Variants in APC observed in about 807,000 individuals in gnomAD.
APC encodes adenomatous polyposis coli protein.
APC carries 72 observed loss-of-function variants against 247.0 expected under a neutral mutation model. The ratio of observed to expected loss-of-function variants is 0.29; its 90% CI spans 0.24 to 0.35. The LOEUF is 0.35. Among genes scored for constraint, APC ranks in the 10% least tolerant of loss-of-function variants. The pLI is 1.00. For missense variants in APC, 3,400 were observed against 3,360.7 expected (o/e 1.01, Z -0.29); for synonymous variants, 1,254 against 1,162.5 (o/e 1.08, Z -1.60).
upstream of APC, among the ~76,000 whole-genome samples, chr5:112,735,341 A>G: frequency 6.6e-6 from 1 of 152,006 alleles, no homozygotes; most frequent in South Asian, 2.1e-4. Flanking sequence ...ACAGCTGGCT[A>G]ATTTTTTTGT....
chr5:112,829,270 C>A, intron 14 of APC: 1 of 332,702 alleles, frequency 3.0e-6, no homozygotes, highest in East Asian at 7.6e-5. Flanking sequence ...TCCTGAGTAG[C>A]TGGGATTACA....
At chr5:112,746,613 A>C (rs537005092) in intron 1 of APC, among the ~76,000 whole-genome samples, 1 of 152,320 alleles carries the variant, frequency 6.6e-6, no homozygotes, top group African/African-American at 2.4e-5. Context: ...ATGATTATAC[A>C]AAAAAGTGCT....
intron 4 of APC, among the ~76,000 whole-genome samples, chr5:112,768,221 T>A (rs1756584750): frequency 6.6e-6 from 1 of 151,966 alleles, no homozygotes; most frequent in Non-Finnish European, 1.5e-5. Flanking sequence ...TTTTATATTT[T>A]GAGTAGAGAC....
chr5:112,759,140 G>A (rs1222516830), intron 2 of APC, among the ~76,000 whole-genome samples: 2 of 151,992 alleles, frequency 1.3e-5, no homozygotes, highest in Non-Finnish European at 2.9e-5. Flanking sequence ...AGGAAAAACC[G>A]AGATCAACAT....
At position 112,749,351 on chromosome 5, in the gene APC, G is replaced by A. The variant is rs1182614041; in HGVS notation, c.-18-5522G>A. On this transcript the variant is annotated intron_variant, in intron 1 of 15. Coordinates refer to ENST00000257430, the MANE Select transcript of APC (RefSeq NM_000038.6). ...ATTTGCTATTTTTCCATCCTTAGAAGCATTTGTATAAGATTGGAATGATTT... is the reference window on the plus strand; with the variant it reads ...ATTTGCTATTTTTCCATCCTTAGAAACATTTGTATAAGATTGGAATGATTT... Among the ~76,000 whole-genome samples the A allele has an allele frequency of 3.9e-5, 6 of 152,210 alleles. No individual in the cohort carries two copies. In the East Asian group the frequency reaches 1.2e-3, roughly 29 times the overall value.
intron 10 of APC, among the ~76,000 whole-genome samples, chr5:112,821,033 T>G (rs976688094): frequency 6.7e-6 from 1 of 149,614 alleles, no homozygotes; most frequent in African/African-American, 2.4e-5. Flanking sequence ...CTGACTAATT[T>G]TTTTTTTTTT....
intron 1 of APC, 130 bp from the exon 2 acceptor site, chr5:112,754,743 A>G: frequency 1.2e-6 from 1 of 812,964 alleles, no homozygotes; most frequent in African/African-American, 1.7e-5. Flanking sequence ...TTTTGAGACC[A>G]AAAACTAGCA....
At chr5:112,776,362 A>G (rs907509206) in intron 5 of APC, among the ~76,000 whole-genome samples, 5 of 152,206 alleles carry the variant, frequency 3.3e-5, no homozygotes, top group African/African-American at 1.2e-4. Context: ...AATGTGTTGG[A>G]GTAAAGAAAA....
intron 15 of APC, 120 bp from the exon 16 acceptor site, chr5:112,837,433 C>A: frequency 2.8e-6 from 2 of 711,740 alleles, no homozygotes; most frequent in South Asian, 1.8e-5. Context: ...ATGTGGAATA[C>A]TTGGAATTTA....
At chr5:112,718,700 T>A (rs1751316436) in intron 1 of APC, among the ~76,000 whole-genome samples, 1 of 152,256 alleles carries the variant, frequency 6.6e-6, no homozygotes, top group South Asian at 2.1e-4. Flanking sequence ...GCTGGTTATT[T>A]GGTGCTGTTA....
intron 11 of APC, among the ~76,000 whole-genome samples, chr5:112,825,505 G>C: frequency 6.6e-6 from 1 of 152,152 alleles, no homozygotes. Flanking sequence ...TTCACATGCT[G>C]TTTCCTTTGC....
At position 112,840,203 on chromosome 5, in the gene APC, A is replaced by C. The variant is rs781328009; in HGVS notation, c.4609A>C (p.Thr1537Pro). The C allele has an allele frequency of 1.2e-6, 2 of 1,614,208 alleles. No homozygotes were observed. Among genetic ancestry groups the C allele is most frequent in the South Asian group, 1.1e-5 (1 of 91,088 alleles). ...TCAGGAAAATGACAATGGGAATGAA[A>C]CAGAATCAGAGCAGCCTAAAGAATC... ...PVQENDNGNE[T>P]ESEQPKESNE... The change falls in exon 16 of 16, where the codon ACA becomes CCA. Residue 1537 changes from threonine to proline, a missense_variant. By Grantham distance (38) the Thr-to-Pro change is conservative. Coordinates refer to ENST00000257430, the MANE Select transcript of APC (RefSeq NM_000038.6). This position sits in a 1 kb window ranked among gnomAD's most constrained non-coding sequence, Gnocchi z 4.1.
Position 112,722,490 on chromosome 5 carries a change from C to T in APC, c.165+14608C>T, listed in dbSNP as rs549427012. On this transcript the variant is annotated intron_variant, in intron 1 of 13. Coordinates refer to the APC transcript ENST00000507379. ...TAGTTGGGTGTCCTCCAATTCATTTCCCACACTGTCTATCCAGAAATACCA... is the reference window on the plus strand; with the variant it reads ...TAGTTGGGTGTCCTCCAATTCATTTTCCACACTGTCTATCCAGAAATACCA... Among the ~76,000 whole-genome samples, 17 of 152,262 alleles carry T rather than the reference C, an allele frequency of 1.1e-4. No homozygotes were observed. The South Asian group carries it at 2.5e-3, about 22-fold the overall frequency.
At chr5:112,768,283 T>A (rs768070639) in intron 4 of APC, among the ~76,000 whole-genome samples, 1 of 151,478 alleles carries the variant, frequency 6.6e-6, no homozygotes, top group Admixed American at 6.6e-5. Context: ...CCTTAGGTGA[T>A]TCCCCCCTGC....
chr5:112,754,520 A>C (rs561528766), intron 1 of APC, among the ~76,000 whole-genome samples: 2 of 152,154 alleles, frequency 1.3e-5, no homozygotes, highest in Admixed American at 6.5e-5. Flanking sequence ...AATTTTTATC[A>C]TAATTATATT....
At chr5:112,764,996 C>T (rs978933234) in intron 2 of APC, among the ~76,000 whole-genome samples, 5 of 152,158 alleles carry the variant, frequency 3.3e-5, no homozygotes, top group Admixed American at 6.5e-5. Flanking sequence ...CACCTTCATG[C>T]CCCCACATCT....
intron 2 of APC, among the ~76,000 whole-genome samples, chr5:112,756,599 G>C (rs1217587610): frequency 6.6e-6 from 1 of 152,170 alleles, no homozygotes; most frequent in African/African-American, 2.4e-5. Context: ...TGTTTAGATA[G>C]TACATGTCTG....
intron 5 of APC, among the ~76,000 whole-genome samples, chr5:112,780,534 T>TAGGCCAATCTA (rs1758205900): frequency 6.6e-6 from 1 of 152,316 alleles, no homozygotes; most frequent in African/African-American, 2.4e-5. Context: ...TTAAGTGAAA[T>TAGGCCAATCTA]AGGCCAATCT....
intron 6 of APC, among the ~76,000 whole-genome samples, chr5:112,782,236 T>C (rs1758427584): frequency 6.6e-6 from 1 of 152,020 alleles, no homozygotes; most frequent in Non-Finnish European, 1.5e-5. Context: ...TTTAAAACCA[T>C]CAGATCTCGT....
Sources: gnomAD v4.1 joint callset for allele counts (sites outside exome capture counted in the v4.1 genomes callset) on GRCh38, gnomAD v4.1.1 for gene constraint, Gnocchi (gnomAD v3.1) non-coding constraint, MANE v1.5 for transcripts, NCBI Gene and HGNC (gene_info 2026-07-23, HGNC 2026-07-21) for gene names.